Variants in UGGT2 observed in about 807,000 individuals in gnomAD.
The protein encoded by UGGT2 is UDP-glucose:glycoprotein glucosyltransferase 2.
A neutral mutation model predicts 192.1 loss-of-function variants in UGGT2; 180 were observed. That is an observed-to-expected ratio of 0.94 (90% CI 0.83 to 1.06). The LOEUF (loss-of-function observed/expected upper bound fraction) is 1.06, where lower values mean the gene tolerates loss of function less well. Among genes scored for constraint, UGGT2 ranks in the 50% least tolerant of loss-of-function variants. UGGT2 has a pLI of 0.00. For synonymous variants in UGGT2, 580 were observed against 591.0 expected (o/e 0.98, Z 0.27); for missense variants, 1,849 against 1,795.7 (o/e 1.03, Z -0.54).
chr13:96,014,402 T>C (rs1307973615), intron 4 of UGGT2, among the ~76,000 whole-genome samples: 2 of 152,204 alleles, frequency 1.3e-5, no homozygotes, highest in Non-Finnish European at 2.9e-5. Flanking sequence ...CAGAATTGGA[T>C]TCAATTCTAG....
At chr13:95,895,346 G>A (rs1179084476) in intron 22 of UGGT2, 42 bp from the exon 23 acceptor site, 1 of 1,209,478 alleles carries the variant, frequency 8.3e-7, no homozygotes. Flanking sequence ...TCTTCTAGAA[G>A]ATATCAGTTT....
chr13:95,811,205 T>C (rs1311026066), intron 38 of UGGT2, among the ~76,000 whole-genome samples: 1 of 152,192 alleles, frequency 6.6e-6, no homozygotes, highest in African/African-American at 2.4e-5. Flanking sequence ...GTTCCTCAAG[T>C]GGTTAAACAT....
At chr13:95,950,544 A>T (rs1229465845) in intron 12 of UGGT2, among the ~76,000 whole-genome samples, 1 of 151,292 alleles carries the variant, frequency 6.6e-6, no homozygotes, top group Non-Finnish European at 1.5e-5. Context: ...TCTCACAAAA[A>T]AAAAAAAAAG....
At chr13:95,974,941 G>C (rs2050890039) in intron 10 of UGGT2, among the ~76,000 whole-genome samples, 1 of 152,014 alleles carries the variant, frequency 6.6e-6, no homozygotes, top group Non-Finnish European at 1.5e-5. Context: ...AATTAGCTGG[G>C]TGTGGTGGTG....
Position 96,053,142 on chromosome 13 carries a change from G to A in UGGT2, c.158+13C>T, listed in dbSNP as rs1190552897. Reference sequence around the variant, plus strand: ...CCCACACCCGCCCGGACGAGGGCCCGGCCCGCACCCACCTTGCCTCCAGCA... The same window carrying A: ...CCCACACCCGCCCGGACGAGGGCCCAGCCCGCACCCACCTTGCCTCCAGCA... On this transcript the variant is annotated intron_variant, in intron 1 of 38. Transcript: ENST00000376747. The A allele has an allele frequency of 2.9e-5, 44 of 1,496,120 alleles. No homozygotes were observed. Among genetic ancestry groups the A allele is most frequent in the Non-Finnish European group, 3.6e-5 (41 of 1,125,880 alleles). 92.7% of individuals were successfully genotyped at this position (1,496,120 alleles called of 1,614,324 possible).
At chr13:95,837,576 T>G (rs1232048214) in intron 36 of UGGT2, among the ~76,000 whole-genome samples, 1 of 152,194 alleles carries the variant, frequency 6.6e-6, no homozygotes, top group Non-Finnish European at 1.5e-5. Context: ...CTCTCTGGAT[T>G]CTGAGGTGAA....
At chr13:95,994,788 A>T (rs1462210653) in intron 7 of UGGT2, among the ~76,000 whole-genome samples, 1 of 152,040 alleles carries the variant, frequency 6.6e-6, no homozygotes, top group Non-Finnish European at 1.5e-5. Flanking sequence ...GAAGAACAGG[A>T]TCAAAAAATG....
rs199605314 is a variant in UGGT2, at chr13:95,989,523, T to C, written c.931+450A>G. The C allele has an allele frequency of 2.5e-3, 939 of 377,108 alleles. 15 individuals carry two copies. The highest frequency in any genetic ancestry group is 0.013 in the South Asian group (636 of 49,912). The allele number at this position is 377,108 out of a possible 1,614,324, so 23.4% of individuals were successfully genotyped here. The stretch of plus-strand genomic sequence containing the variant: ...TCAGTACAGAAGCTGTTCCTAACTT[T>C]GTAAAACTGCATGTCCTCCATTTGA... On this transcript the variant is annotated intron_variant, in intron 8 of 38. Coordinates refer to ENST00000376747, the MANE Select transcript of UGGT2 (RefSeq NM_020121.4).
At chr13:95,946,077 A>G (rs866682294) in intron 15 of UGGT2, among the ~76,000 whole-genome samples, 41 of 152,194 alleles carry the variant, frequency 2.7e-4, no homozygotes, top group African/African-American at 9.9e-4. Flanking sequence ...TTTATAAGCT[A>G]TGACTTGACT....
intron 14 of UGGT2, among the ~76,000 whole-genome samples, chr13:95,947,462 T>TA (rs1005793650): frequency 8.1e-6 from 1 of 123,528 alleles, no homozygotes; most frequent in African/African-American, 3.0e-5. Context: ...TTATTTTTAT[T>TA]TTTTTTGAGA....
At chr13:95,953,632 G>C (rs557949910) in intron 12 of UGGT2, among the ~76,000 whole-genome samples, 2 of 152,158 alleles carry the variant, frequency 1.3e-5, no homozygotes, top group South Asian at 2.1e-4. Flanking sequence ...ATTTTTTCTT[G>C]CTCTGTCTTC....
chr13:95,839,757 G>A (rs538848634), intron 36 of UGGT2, among the ~76,000 whole-genome samples: 13 of 152,084 alleles, frequency 8.5e-5, no homozygotes, highest in Non-Finnish European at 1.2e-4. Context: ...AAATAGGAGC[G>A]TATCATGGTT....
In UGGT2 at chr13:95,836,051, G is replaced by T. The variant is rs530033386; in HGVS notation, c.4401+1035C>A. Among the ~76,000 whole-genome samples, 490 of 149,076 alleles carry T rather than the reference G, an allele frequency of 3.3e-3. 3 individuals are homozygous for T. Among genetic ancestry groups the T allele is most frequent in the African/African-American group, 0.012 (456 of 39,004 alleles). ...AGCTAGCTCTCAGCCCTTTTTTTTTGTTTGTTTGTTTTTTTGAAATGGAGT... is the reference window on the plus strand; with the variant it reads ...AGCTAGCTCTCAGCCCTTTTTTTTTTTTTGTTTGTTTTTTTGAAATGGAGT... On this transcript the variant is annotated intron_variant, in intron 37 of 38. Transcript: ENST00000376747.
chr13:95,886,674 G>C (rs2047655460), intron 26 of UGGT2, among the ~76,000 whole-genome samples: 1 of 152,170 alleles, frequency 6.6e-6, no homozygotes, highest in African/African-American at 2.4e-5. Context: ...CAATGAATAA[G>C]TCCTAAACTT....
chr13:95,814,512 T>TG (rs1442891401), intron 38 of UGGT2, among the ~76,000 whole-genome samples: 5 of 152,250 alleles, frequency 3.3e-5, no homozygotes, highest in African/African-American at 1.2e-4. Flanking sequence ...GTTTATCCAA[T>TG]GCTTACATCT....
Position 96,043,829 on chromosome 13 carries a change from T to C in UGGT2, c.158+9326A>G, listed in dbSNP as rs2053231934. On this transcript the variant is annotated intron_variant, in intron 1 of 38. Transcript: ENST00000376747. ...AACACGGAAATATTACAATCTGAAA[T>C]ATATATGCAATAATGGAGTTCCCAA... Among the ~76,000 whole-genome samples, 2 of 152,076 alleles carry C rather than the reference T, an allele frequency of 1.3e-5. 1 individual carries two copies. The highest frequency in any genetic ancestry group is 4.1e-4 in the South Asian group (2 of 4,824).
In UGGT2 at chr13:95,902,984, G is replaced by A; in HGVS notation, c.2372C>T (p.Ser791Phe). The A allele has an allele frequency of 6.2e-7, 1 of 1,613,376 alleles. No individual in the cohort carries two copies. The highest frequency in any genetic ancestry group is 8.5e-7 in the Non-Finnish European group (1 of 1,179,674). The change falls in exon 21 of 39, where the codon TCT becomes TTT. Residue 791 changes from serine to phenylalanine, a missense_variant. Physicochemically the swap from Ser to Phe is radical, Grantham distance 155. Coordinates refer to ENST00000376747, the MANE Select transcript of UGGT2 (RefSeq NM_020121.4). ...AAGAAAAGCTGCCAAAATTCCTCTAGAAATAGCTGTGTTCTCTTCATTTAT... is the reference window on the plus strand; with the variant it reads ...AAGAAAAGCTGCCAAAATTCCTCTAAAAATAGCTGTGTTCTCTTCATTTAT... The part of the protein sequence containing the change: ...SKINEENTAI[S>F]RGILAAFLTQ...
chr13:95,973,421 G>A (rs779384050), intron 10 of UGGT2, among the ~76,000 whole-genome samples: 1 of 152,096 alleles, frequency 6.6e-6, no homozygotes, highest in Non-Finnish European at 1.5e-5. Flanking sequence ...GTGTGTATGT[G>A]TACATATACA....
In UGGT2 at chr13:96,053,149, A is replaced by T; in HGVS notation, c.158+6T>A. 1 of 1,502,344 alleles carries T rather than the reference A, an allele frequency of 6.7e-7. No individual in the cohort carries two copies. The highest frequency in any genetic ancestry group is 2.3e-4 in the Middle Eastern group (1 of 4,256). The allele number at this position is 1,502,344 out of a possible 1,614,324, so 93.1% of individuals were successfully genotyped here. A position where few individuals can be genotyped will look rare whatever the true frequency, so the allele number is the denominator to read the frequency against. ...CCGCCCGGACGAGGGCCCGGCCCGC[A>T]CCCACCTTGCCTCCAGCAGCAGCGG... On this transcript the variant is annotated splice_donor_region_variant and intron_variant, in intron 1 of 38. Coordinates refer to ENST00000376747, the MANE Select transcript of UGGT2 (RefSeq NM_020121.4).
Sources: allele counts gnomAD v4.1 joint callset (sites outside exome capture counted in the v4.1 genomes callset), GRCh38; gene constraint gnomAD v4.1.1; transcripts MANE v1.5; gene names NCBI Gene and HGNC (gene_info 2026-07-23, HGNC 2026-07-21).